PAK4: variants seen among roughly 807,000 people sequenced by gnomAD.
PAK4 encodes p21 (RAC1) activated kinase 4, also known as serine/threonine-protein kinase PAK 4.
Under a neutral mutation model 53.5 loss-of-function variants are expected in PAK4, and 49 were observed. The ratio of observed to expected loss-of-function variants is 0.92; its 90% CI spans 0.73 to 1.16. The LOEUF is 1.16. PAK4 is among the 50% of genes most tolerant of loss of function. The probability of loss-of-function intolerance (pLI) is 0.00; values close to 1 mark genes in which losing one functional copy is unlikely to be tolerated. For missense variants in PAK4, 824 were observed against 850.7 expected, an observed-to-expected ratio of 0.97 and a Z score of 0.39; for synonymous variants, 376 against 375.6, an observed-to-expected ratio of 1.00 and a Z score of -0.01.
chr19:39,132,636 G>A (rs2073735389), intron 1 of PAK4, among the ~76,000 whole-genome samples: 1 of 152,282 alleles, frequency 6.6e-6, no homozygotes, highest in Admixed American at 6.5e-5. Flanking sequence ...CCGCCTGAGT[G>A]TGGCTGTGCA....
In PAK4 at chr19:39,173,445, C is replaced by A; in HGVS notation, c.663+69C>A. On this transcript the variant is annotated intron_variant, in intron 3 of 8. Coordinates refer to ENST00000358301, the Ensembl canonical transcript of PAK4. This position sits in a 1 kb window ranked among gnomAD's most constrained non-coding sequence, Gnocchi z 6.9. Reference sequence around the variant, plus strand: ...TTGCTCCTCTGTCCCCACCTTCCAGCCCCGCCCCACCACCGTGCATCTCAT... The same window carrying A: ...TTGCTCCTCTGTCCCCACCTTCCAGACCCGCCCCACCACCGTGCATCTCAT... 2 of 1,360,484 alleles carry A rather than the reference C, an allele frequency of 1.5e-6. No homozygotes were observed. The highest frequency in any genetic ancestry group is 2.0e-6 in the Non-Finnish European group (2 of 1,009,616). 84.3% of individuals were successfully genotyped at this position (1,360,484 alleles called of 1,614,324 possible). A position where few individuals can be genotyped will look rare whatever the true frequency, so the allele number is the denominator to read the frequency against.
chr19:39,143,331 C>G (rs1056488955), intron 1 of PAK4, among the ~76,000 whole-genome samples: 1 of 148,958 alleles, frequency 6.7e-6, no homozygotes, highest in African/African-American at 2.5e-5. Context: ...TGGCTCACGC[C>G]TGTAATCCCA....
At chr19:39,158,501 C>T (rs755185225) in intron 1 of PAK4, among the ~76,000 whole-genome samples, 32 of 152,336 alleles carry the variant, frequency 2.1e-4, no homozygotes, top group Middle Eastern at 6.8e-3. Flanking sequence ...CTCTGATTTC[C>T]CAGGCCGTAT....
Position 39,161,659 on chromosome 19 carries a change from G to C in PAK4, c.-22-7873G>C, listed in dbSNP as rs538188831. 6.6e-6 allele frequency among the ~76,000 whole-genome samples: 1 copy of C among 151,992 alleles called. No individual in the cohort carries two copies. The highest frequency in any genetic ancestry group is 1.9e-4 in the East Asian group (1 of 5,158). On this transcript the variant is annotated intron_variant, in intron 1 of 8. Transcript: ENST00000358301. The surrounding 1 kb of genome is among the most constrained non-coding windows in gnomAD (Gnocchi z 4.5). ...TGGGCTCAGAGACCCCTGCAACTCC[G>C]TCTCACTCGGGAAAGGACCAGGCCC...
intron 1 of PAK4, among the ~76,000 whole-genome samples, chr19:39,128,938 G>A (rs2073645573): frequency 6.6e-6 from 1 of 152,248 alleles, no homozygotes; most frequent in Non-Finnish European, 1.5e-5. Context: ...CTTGGTCTGG[G>A]CTGGGGCTGG....
chr19:39,150,546 C>T (rs1460968179), intron 1 of PAK4, among the ~76,000 whole-genome samples: 2 of 152,094 alleles, frequency 1.3e-5, no homozygotes, highest in African/African-American at 4.8e-5. Flanking sequence ...CACGCCCACT[C>T]AGGCCCCTTG....
chr19:39,146,576 G>A (rs1158023062), intron 1 of PAK4, among the ~76,000 whole-genome samples: 4 of 152,188 alleles, frequency 2.6e-5, no homozygotes, highest in Non-Finnish European at 4.4e-5. Flanking sequence ...AGTGGCTCAC[G>A]CCTGTAATTC....
At chr19:39,130,473 G>A (rs1468703853) in intron 1 of PAK4, among the ~76,000 whole-genome samples, 1 of 152,052 alleles carries the variant, frequency 6.6e-6, no homozygotes, top group Admixed American at 6.5e-5. Flanking sequence ...GAGAACATAT[G>A]AGCGAGGCTG....
At chr19:39,128,152 C>A (rs2073625853) in intron 1 of PAK4, among the ~76,000 whole-genome samples, 1 of 152,226 alleles carries the variant, frequency 6.6e-6, no homozygotes, top group Admixed American at 6.5e-5. Context: ...TCCGTTTCCA[C>A]TTCTGCAAGA....
chr19:39,146,526 C>G (rs971191166), intron 1 of PAK4, among the ~76,000 whole-genome samples: 1 of 152,198 alleles, frequency 6.6e-6, no homozygotes, highest in African/African-American at 2.4e-5. Flanking sequence ...ATTGTAGATT[C>G]TCCTACAGTT....
At chr19:39,145,922 G>A (rs749650329) in intron 1 of PAK4, among the ~76,000 whole-genome samples, 11 of 151,930 alleles carry the variant, frequency 7.2e-5, no homozygotes, top group Middle Eastern at 3.2e-3. Flanking sequence ...ACCCAGCTCC[G>A]CCACCTTCTA....
At chr19:39,133,069 A>G (rs1213179511) in intron 1 of PAK4, among the ~76,000 whole-genome samples, 1 of 152,184 alleles carries the variant, frequency 6.6e-6, no homozygotes, top group Non-Finnish European at 1.5e-5. Flanking sequence ...TCCGTTCTGG[A>G]GCTCCTAACC....
intron 1 of PAK4, among the ~76,000 whole-genome samples, chr19:39,127,507 G>A (rs2073610527): frequency 6.6e-6 from 1 of 152,122 alleles, no homozygotes; most frequent in Non-Finnish European, 1.5e-5. Context: ...GGTGCATGGT[G>A]GAATTGCTCT....
chr19:39,131,572 C>A (rs2073711550), intron 1 of PAK4, among the ~76,000 whole-genome samples: 1 of 152,194 alleles, frequency 6.6e-6, no homozygotes, highest in African/African-American at 2.4e-5. Context: ...GTCTGCCAGA[C>A]GCCTTGGCCC....
intron 1 of PAK4, among the ~76,000 whole-genome samples, chr19:39,144,096 G>GTAGATAGATAGATAGA (rs74176490): frequency 1.9e-4 from 28 of 148,236 alleles, no homozygotes; most frequent in African/African-American, 6.9e-4. Flanking sequence ...CCTATCTCAG[G>GTAGATAGATAGATAGA]TAGATAGATA....
chr19:39,173,951 G>A lies in PAK4; in HGVS notation c.1039G>A (p.Val347Met), dbSNP rs1322153184. 3 of 1,610,846 alleles carry A rather than the reference G, an allele frequency of 1.9e-6. No individual in the cohort carries two copies. Among genetic ancestry groups the A allele is most frequent in the South Asian group, 1.1e-5 (1 of 90,832 alleles). Residue 347 changes from valine (V) to methionine (M), a missense_variant, in exon 4 of 9, where the codon GTG becomes ATG. Around this residue, in one of 2 missense-constraint regions of PAK4, gnomAD observed 346 missense variants for 415.0 expected, o/e 0.83. Transcript: ENST00000358301. The surrounding 1 kb of genome is among the most constrained non-coding windows in gnomAD (Gnocchi z 6.9). ...CACCGTGCGCAGCTCGGGCAAGCTG[G>A]TGGCCGTCAAGAAGATGGACCTGCG...
rs540639782 is a variant in PAK4, at chr19:39,175,449, G to A, written c.1359+11G>A. On this transcript the variant is annotated intron_variant, in intron 6 of 8. Coordinates refer to ENST00000358301, the Ensembl canonical transcript of PAK4. This position sits in a 1 kb window ranked among gnomAD's most constrained non-coding sequence, Gnocchi z 4.7. ...ACCCATGATGGCAGGGTGAGGGGAC[G>A]GGCGGCGGGGTACGGGGGCGGCAGG... 30 of 1,605,868 alleles carry A rather than the reference G, an allele frequency of 1.9e-5. No homozygotes were observed. The South Asian group carries it at 1.9e-4, about 10-fold the overall frequency.
chr19:39,154,139 G>A (rs1338860364), intron 1 of PAK4, among the ~76,000 whole-genome samples: 3 of 152,000 alleles, frequency 2.0e-5, no homozygotes, highest in East Asian at 3.9e-4. Flanking sequence ...TCCTGGGGAC[G>A]AGCATTTGTC....
At chr19:39,140,766 C>G (rs1271058071) in intron 1 of PAK4, among the ~76,000 whole-genome samples, 1 of 152,184 alleles carries the variant, frequency 6.6e-6, no homozygotes, top group Non-Finnish European at 1.5e-5. Flanking sequence ...TCTCCCTGCT[C>G]CGGCACAGCA....
Sources: gnomAD v4.1 joint callset for allele counts (sites outside exome capture counted in the v4.1 genomes callset) on GRCh38, gnomAD v4.1.1 for gene constraint, gnomAD v4.1.1 regional missense constraint, Gnocchi (gnomAD v3.1) non-coding constraint, MANE v1.5 for transcripts, NCBI Gene and HGNC (gene_info 2026-07-23, HGNC 2026-07-21) for gene names.